The following RPS6KA3 variants were observed in gnomAD, a reference collection of about 807,000 sequenced individuals.
RPS6KA3 encodes ribosomal protein S6 kinase A3, also known as ribosomal protein S6 kinase alpha-3.
RPS6KA3 carries 4 observed loss-of-function variants against 67.2 expected under a neutral mutation model. The ratio of observed to expected loss-of-function variants is 0.06; its 90% confidence interval spans 0.03 to 0.14. RPS6KA3 has a LOEUF of 0.14. Among genes scored for constraint, RPS6KA3 ranks in the 10% least tolerant of loss-of-function variants. The probability of loss-of-function intolerance (pLI) is 1.00; values close to 1 mark genes in which losing one functional copy is unlikely to be tolerated. For missense variants in RPS6KA3, 204 were observed against 559.0 expected (o/e 0.36, Z 6.40); for synonymous variants, 182 against 183.7 (o/e 0.99, Z 0.07).
At chrX:20,172,262 A>G (rs948943483) in intron 15 of RPS6KA3, among the ~76,000 whole-genome samples, 1 of 112,371 alleles carries the variant, frequency 8.9e-6, no homozygotes, top group African/African-American at 3.2e-5. Context: ...TTTTTGGCTT[A>G]GAAAATTCTG....
chrX:20,246,684 G>A (rs2069699414), intron 1 of RPS6KA3, among the ~76,000 whole-genome samples: 1 of 111,982 alleles, frequency 8.9e-6, no homozygotes, highest in Admixed American at 9.4e-5. Flanking sequence ...TGTAAGACAA[G>A]TGATGCTAAA....
At chrX:20,227,845 T>A (rs1244746954) in intron 2 of RPS6KA3, among the ~76,000 whole-genome samples, 1 of 110,631 alleles carries the variant, frequency 9.0e-6, no homozygotes, top group Non-Finnish European at 1.9e-5. Context: ...TAAAAAAAAA[T>A]GTTTCTTATG....
At chrX:20,156,346 T>C (rs1474300398) in intron 20 of RPS6KA3, 97 bp from the exon 21 acceptor site, 1 of 920,775 alleles carries the variant, frequency 1.1e-6, no homozygotes, top group African/African-American at 1.9e-5. Flanking sequence ...GCTTCTGTGA[T>C]ACTGCTTTTT....
At chrX:20,185,619 T>C (rs1177621842) in intron 10 of RPS6KA3, among the ~76,000 whole-genome samples, 1 of 111,762 alleles carries the variant, frequency 8.9e-6, no homozygotes, top group Non-Finnish European at 1.9e-5. Context: ...GGATCTTCTA[T>C]GGATACAGTC....
At chrX:20,202,834 T>C (rs1216000355) in intron 4 of RPS6KA3, among the ~76,000 whole-genome samples, 1 of 112,218 alleles carries the variant, frequency 8.9e-6, no homozygotes, top group African/African-American at 3.2e-5. Context: ...TAACATGGGA[T>C]TCATGAGTAT....
chrX:20,221,994 G>A (rs1051812905), intron 2 of RPS6KA3, among the ~76,000 whole-genome samples: 2 of 112,657 alleles, frequency 1.8e-5, no homozygotes, highest in African/African-American at 6.4e-5. Flanking sequence ...GGCCAAATCT[G>A]CCCATGTCCA....
At chrX:20,250,786 TTCTGTG>T (rs2069843357) in intron 1 of RPS6KA3, among the ~76,000 whole-genome samples, 1 of 111,817 alleles carries the variant, frequency 8.9e-6, no homozygotes, top group Non-Finnish European at 1.9e-5. Context: ...TTGTTGAGGA[TTCTGTG>T]TCTATGTGCT....
intron 1 of RPS6KA3, among the ~76,000 whole-genome samples, chrX:20,241,250 G>A (rs2069543459): frequency 9.1e-6 from 1 of 109,352 alleles, no homozygotes; most frequent in Non-Finnish European, 1.9e-5. Flanking sequence ...TCCACCTCAT[G>A]TTTTTTGAAG....
chrX:20,203,918 C>T (rs1365012579), intron 4 of RPS6KA3, 104 bp downstream of exon 4: 2 of 615,459 alleles, frequency 3.2e-6, no homozygotes, highest in Non-Finnish European at 5.6e-6. Flanking sequence ...GTAACAGGAA[C>T]CTATTCAGAA....
At chrX:20,236,331 C>T (rs1357567154) in intron 1 of RPS6KA3, among the ~76,000 whole-genome samples, 1 of 111,731 alleles carries the variant, frequency 9.0e-6, no homozygotes, top group East Asian at 2.8e-4. Flanking sequence ...TTCTCTCATT[C>T]CCTTACTGGA....
chrX:20,186,273 A>G (rs764255014), intron 10 of RPS6KA3, 23 bp downstream of exon 10: 2 of 1,011,819 alleles, frequency 2.0e-6, no homozygotes, highest in Admixed American at 4.4e-5. Flanking sequence ...TCATCAAAAC[A>G]TCTATATTAA....
intron 2 of RPS6KA3, among the ~76,000 whole-genome samples, chrX:20,221,064 T>C (rs1252607418): frequency 8.9e-6 from 1 of 112,455 alleles, no homozygotes; most frequent in East Asian, 2.8e-4. Flanking sequence ...AGGTGTTATC[T>C]ATCTCCTAAC....
At chrX:20,238,857 A>T (rs1487074674) in intron 1 of RPS6KA3, among the ~76,000 whole-genome samples, 1 of 111,448 alleles carries the variant, frequency 9.0e-6, no homozygotes, top group African/African-American at 3.2e-5. Context: ...TTCAAATGTT[A>T]TCTATTAGAA....
chrX:20,157,120 C>T (rs1440066491), intron 20 of RPS6KA3, among the ~76,000 whole-genome samples: 4 of 111,961 alleles, frequency 3.6e-5, no homozygotes, highest in Admixed American at 1.9e-4. Flanking sequence ...AATGCCATTC[C>T]TATGCATGCA....
chrX:20,181,024 T>TA (rs2067829383), intron 10 of RPS6KA3, among the ~76,000 whole-genome samples: 2 of 111,962 alleles, frequency 1.8e-5, no homozygotes, highest in African/African-American at 3.2e-5. Flanking sequence ...CTGAAAAACT[T>TA]AGTTAAGGAC....
intron 7 of RPS6KA3, among the ~76,000 whole-genome samples, chrX:20,191,185 G>T (rs1022551432): frequency 5.4e-5 from 6 of 111,258 alleles, no homozygotes; most frequent in Non-Finnish European, 1.1e-4. Flanking sequence ...CCATGTCCCT[G>T]CAAAGGACAT....
intron 1 of RPS6KA3, among the ~76,000 whole-genome samples, chrX:20,263,928 G>A (rs1344309649): frequency 1.8e-5 from 2 of 110,972 alleles, no homozygotes; most frequent in East Asian, 5.6e-4. Flanking sequence ...AACCTGGAGA[G>A]AAATATTTTG....
At chrX:20,177,764 C>T (rs1478476184) in intron 10 of RPS6KA3, among the ~76,000 whole-genome samples, 4 of 111,822 alleles carry the variant, frequency 3.6e-5, no homozygotes, top group Non-Finnish European at 3.8e-5. Flanking sequence ...ATTTAAGAAA[C>T]CTAACATTTA....
At chrX:20,217,926 T>C (rs1264767665) in intron 2 of RPS6KA3, among the ~76,000 whole-genome samples, 1 of 112,389 alleles carries the variant, frequency 8.9e-6, no homozygotes, top group Non-Finnish European at 1.9e-5. Flanking sequence ...ATTTACTTCA[T>C]TTGCTGATGG....
Sources: allele counts gnomAD v4.1 joint callset (sites outside exome capture counted in the v4.1 genomes callset), GRCh38; gene constraint gnomAD v4.1.1; transcripts MANE v1.5; gene names NCBI Gene and HGNC (gene_info 2026-07-23, HGNC 2026-07-21).